The following MARCHF8 variants were observed in gnomAD, a reference collection of about 807,000 sequenced individuals.
MARCHF8 encodes the protein E3 ubiquitin-protein ligase MARCHF8.
Under a neutral mutation model 51.6 loss-of-function variants are expected in MARCHF8, and 40 were observed. That is an observed-to-expected ratio of 0.77 (90% CI 0.60 to 1.01). MARCHF8 has a LOEUF of 1.01. Among genes scored for constraint, MARCHF8 ranks in the 50% least tolerant of loss-of-function variants. MARCHF8 has a pLI of 0.00. For missense variants in MARCHF8, 685 were observed against 708.6 expected, an observed-to-expected ratio of 0.97 and a Z score of 0.38; for synonymous variants, 263 against 280.3, an observed-to-expected ratio of 0.94 and a Z score of 0.62.
intron 2 of MARCHF8, among the ~76,000 whole-genome samples, chr10:45,526,546 AGAG>A (rs992688077): frequency 8.5e-5 from 13 of 152,192 alleles, no homozygotes; most frequent in Non-Finnish European, 1.9e-4. Flanking sequence ...CAGGCTGAAG[AGAG>A]GAGGCCAGGC....
rs1456595759 is a variant in MARCHF8 at position 45,463,571 on chromosome 10, G to A, written c.668C>T (p.Ala223Val). 2 of 1,550,676 alleles carry A rather than the reference G, an allele frequency of 1.3e-6. No homozygotes were observed. Among genetic ancestry groups the A allele is most frequent in the Admixed American group, 3.9e-5 (2 of 51,018 alleles). Reference sequence around the variant, plus strand: ...CACCTCTGAGGCAGTTGAGCGACCGGCAGAAAGGCATGAAACACAAGAATG... The same window carrying A: ...CACCTCTGAGGCAGTTGAGCGACCGACAGAAAGGCATGAAACACAAGAATG... Reference protein sequence around the residue: ...SKHSCVSCLSAGRSTASEVEA... With the variant: ...SKHSCVSCLSVGRSTASEVEA... The change falls in exon 5 of 8, where the codon GCC (alanine) becomes GTC (valine). Residue 223 changes from alanine (A) to valine (V), a missense_variant. Transcript: ENST00000453424.
At chr10:45,531,788 TC>T (rs1210848936) in intron 2 of MARCHF8, among the ~76,000 whole-genome samples, 1 of 152,168 alleles carries the variant, frequency 6.6e-6, no homozygotes, top group East Asian at 1.9e-4. Context: ...GGTTCACTCT[TC>T]TTATGGGACT....
At chr10:45,568,310 G>A (rs1007986582) in intron 1 of MARCHF8, among the ~76,000 whole-genome samples, 5 of 152,144 alleles carry the variant, frequency 3.3e-5, no homozygotes, top group Non-Finnish European at 4.4e-5. Context: ...GTACTGCATT[G>A]AATAACAGTG....
At chr10:45,483,072 T>C (rs1020096727) in intron 3 of MARCHF8, among the ~76,000 whole-genome samples, 7 of 152,134 alleles carry the variant, frequency 4.6e-5, no homozygotes, top group South Asian at 4.1e-4. Context: ...CTTCAAGACA[T>C]TGATCTAGGC....
At chr10:45,539,240 G>A (rs974333270), upstream of MARCHF8, among the ~76,000 whole-genome samples, 13 of 152,150 alleles carry the variant, frequency 8.5e-5, no homozygotes, top group Non-Finnish European at 1.6e-4. Flanking sequence ...AAGAAATGAA[G>A]GCAGAAATAA....
chr10:45,575,631 A>G (rs2044480762), intron 1 of MARCHF8, among the ~76,000 whole-genome samples: 1 of 152,108 alleles, frequency 6.6e-6, no homozygotes, highest in Admixed American at 6.6e-5. Flanking sequence ...ACCAGCCCCA[A>G]AAATTTTCGC....
intron 1 of MARCHF8, among the ~76,000 whole-genome samples, chr10:45,546,138 T>TTTTATTTA (rs370400917): frequency 0.055 from 8,120 of 147,756 alleles, 256 homozygotes; most frequent in Non-Finnish European, 0.067. Context: ...TGAGCTGAAT[T>TTTTATTTA]TTTATTTATT....
intron 2 of MARCHF8, among the ~76,000 whole-genome samples, chr10:45,502,045 T>C (rs1205420775): frequency 6.6e-6 from 1 of 151,968 alleles, no homozygotes; most frequent in Non-Finnish European, 1.5e-5. Flanking sequence ...TGCAGGAAAA[T>C]AAAATGACAG....
At chr10:45,532,816 C>G (rs1456879891) in intron 2 of MARCHF8, among the ~76,000 whole-genome samples, 1 of 152,194 alleles carries the variant, frequency 6.6e-6, no homozygotes, top group Non-Finnish European at 1.5e-5. Flanking sequence ...AAACTAGCAG[C>G]ATCATGTTCT....
chr10:45,535,882 T>C (rs1050058892), upstream of MARCHF8, among the ~76,000 whole-genome samples: 16 of 152,234 alleles, frequency 1.1e-4, no homozygotes, highest in East Asian at 3.1e-3. Flanking sequence ...AACATTCACA[T>C]CTAGAAGAGA....
At chr10:45,507,811 G>GAA (rs34156328) in intron 2 of MARCHF8, among the ~76,000 whole-genome samples, 144 of 122,302 alleles carry the variant, frequency 1.2e-3, no homozygotes, top group African/African-American at 2.6e-3. Flanking sequence ...GCTCAGTTTT[G>GAA]AAAAAAAAAA....
At chr10:45,472,414 C>T (rs541688182) in intron 3 of MARCHF8, among the ~76,000 whole-genome samples, 2 of 152,330 alleles carry the variant, frequency 1.3e-5, no homozygotes, top group East Asian at 3.9e-4. Context: ...GAGACTGTGC[C>T]TCTACAACAG....
chr10:45,501,442 T>C (rs1156808811), intron 2 of MARCHF8, among the ~76,000 whole-genome samples: 2 of 152,134 alleles, frequency 1.3e-5, no homozygotes, highest in Non-Finnish European at 2.9e-5. Context: ...CAACAAATGA[T>C]GCTGGAACAA....
At chr10:45,486,955 G>A (rs2042991730) in intron 3 of MARCHF8, among the ~76,000 whole-genome samples, 1 of 151,810 alleles carries the variant, frequency 6.6e-6, no homozygotes, top group Non-Finnish European at 1.5e-5. Flanking sequence ...GACTGCAGGT[G>A]TGCACCACCA....
Position 45,463,341 on chromosome 10 carries a change from T to A in MARCHF8, c.898A>T (p.Met300Leu). 1.3e-6 allele frequency: 2 copies of A among 1,550,888 alleles called. No individual in the cohort carries two copies. Among genetic ancestry groups the A allele is most frequent in the Non-Finnish European group, 8.7e-7 (1 of 1,147,048 alleles). The change falls in exon 5 of 8, where the codon ATG becomes TTG. Residue 300 changes from methionine (M) to leucine (L), a missense_variant. Met to Leu is a conservative substitution (Grantham distance 15). Coordinates refer to ENST00000453424, the MANE Select transcript of MARCHF8 (RefSeq NM_001282866.2). ...CCCATCTCGTCAGAGCAGAAGCCCA[T>A]ACTCCCTGCCAGCCCGCTGGAGGAC... ...AKSSSGLAGS[M>L]GFCSDEMGDD...
chr10:45,585,899 C>T (rs193189599), intron 1 of MARCHF8, among the ~76,000 whole-genome samples: 1 of 152,146 alleles, frequency 6.6e-6, no homozygotes, highest in African/African-American at 2.4e-5. Context: ...ATTCTCACCA[C>T]CTGGACATAA....
chr10:45,534,776 C>T (rs1200724653), intron 1 of MARCHF8, among the ~76,000 whole-genome samples: 4 of 152,092 alleles, frequency 2.6e-5, no homozygotes, highest in Non-Finnish European at 4.4e-5. Context: ...ATTTGATAAG[C>T]AGTCACTTAC....
At chr10:45,475,604 C>T (rs2042773584) in intron 3 of MARCHF8, among the ~76,000 whole-genome samples, 1 of 152,124 alleles carries the variant, frequency 6.6e-6, no homozygotes, top group Admixed American at 6.5e-5. Flanking sequence ...GTTCAACCAG[C>T]CCATCACAGC....
intron 3 of MARCHF8, among the ~76,000 whole-genome samples, chr10:45,487,312 A>G (rs2042998874): frequency 6.6e-6 from 1 of 152,148 alleles, no homozygotes; most frequent in African/African-American, 2.4e-5. Context: ...CTATAGGAAG[A>G]AGTTTCCTTT....
Sources: gnomAD v4.1 joint callset for allele counts (sites outside exome capture counted in the v4.1 genomes callset) on GRCh38, gnomAD v4.1.1 for gene constraint, MANE v1.5 for transcripts, NCBI Gene and HGNC (gene_info 2026-07-23, HGNC 2026-07-21) for gene names.